The following TMOD3 variants were observed in gnomAD, a reference collection of about 807,000 sequenced individuals.
The protein encoded by TMOD3 is tropomodulin-3.
TMOD3 carries 20 observed loss-of-function variants against 39.2 expected under a neutral mutation model. The ratio of observed to expected loss-of-function variants is 0.51; its 90% CI spans 0.36 to 0.74. The LOEUF (loss-of-function observed/expected upper bound fraction) is 0.74. Ranked by LOEUF, TMOD3 falls within the 30% of genes least tolerant of loss-of-function variation. The pLI is 0.00. For synonymous variants in TMOD3, 143 were observed against 145.8 expected (o/e 0.98, Z 0.14); for missense variants, 381 against 412.8 (o/e 0.92, Z 0.67).
chr15:51,888,001 G>C (rs1300313999), intron 4 of TMOD3, among the ~76,000 whole-genome samples: 1 of 151,964 alleles, frequency 6.6e-6, no homozygotes, highest in African/African-American at 2.4e-5. Flanking sequence ...TCATCACCTG[G>C]TGCTCAGCTA....
At chr15:51,868,759 G>C (rs1206505291) in intron 2 of TMOD3, among the ~76,000 whole-genome samples, 2 of 152,158 alleles carry the variant, frequency 1.3e-5, no homozygotes, top group East Asian at 3.9e-4. Flanking sequence ...ATCATCTGAA[G>C]TCAGGAATTC....
intron 1 of TMOD3, among the ~76,000 whole-genome samples, chr15:51,851,584 C>G (rs953114720): frequency 2.6e-5 from 4 of 152,058 alleles, no homozygotes; most frequent in Non-Finnish European, 5.9e-5. Context: ...CAATGTGGAT[C>G]TCAAAACAGA....
chr15:51,871,063 A>T (rs1164411292), intron 3 of TMOD3, among the ~76,000 whole-genome samples: 1 of 152,186 alleles, frequency 6.6e-6, no homozygotes, highest in Non-Finnish European at 1.5e-5. Flanking sequence ...AAAAACAAAA[A>T]ACCTTCATGA....
intron 3 of TMOD3, among the ~76,000 whole-genome samples, chr15:51,870,031 C>T (rs1484874398): frequency 6.6e-6 from 1 of 152,072 alleles, no homozygotes; most frequent in Non-Finnish European, 1.5e-5. Flanking sequence ...CTCCGCCTCC[C>T]GGGTTTAAGC....
intron 1 of TMOD3, among the ~76,000 whole-genome samples, chr15:51,854,892 T>C (rs931047551): frequency 6.6e-6 from 1 of 152,204 alleles, no homozygotes; most frequent in Admixed American, 6.5e-5. Flanking sequence ...ATGAGATTGC[T>C]GAGATTCCAT....
chr15:51,842,272 G>T (rs2141670113), intron 1 of TMOD3, among the ~76,000 whole-genome samples: 1 of 152,252 alleles, frequency 6.6e-6, no homozygotes, highest in South Asian at 2.1e-4. Context: ...TTACTGGACT[G>T]CATGCTGCTT....
At chr15:51,896,065 G>C (rs568038140) in intron 6 of TMOD3, among the ~76,000 whole-genome samples, 1 of 152,098 alleles carries the variant, frequency 6.6e-6, no homozygotes, top group South Asian at 2.1e-4. Context: ...CTGAGATTGC[G>C]CCGTTGCACT....
At chr15:51,865,089 C>T (rs754173283) in intron 2 of TMOD3, among the ~76,000 whole-genome samples, 1 of 152,082 alleles carries the variant, frequency 6.6e-6, no homozygotes, top group African/African-American at 2.4e-5. Flanking sequence ...TGGGCTCAAG[C>T]GATCCTCCCA....
At chr15:51,863,835 A>G (rs149072619) in intron 2 of TMOD3, among the ~76,000 whole-genome samples, 3 of 152,324 alleles carry the variant, frequency 2.0e-5, no homozygotes, top group African/African-American at 7.2e-5. Context: ...CCTTAACCAT[A>G]ATTACTATTA....
At chr15:51,835,708 T>A (rs1285879948) in intron 1 of TMOD3, among the ~76,000 whole-genome samples, 1 of 152,216 alleles carries the variant, frequency 6.6e-6, no homozygotes, top group Non-Finnish European at 1.5e-5. Flanking sequence ...TTTGGTTATT[T>A]TTTTCTTCTA....
At chr15:51,901,142 T>A (rs965587736) in intron 8 of TMOD3, 1 of 152,268 alleles carries the variant, frequency 6.6e-6, no homozygotes, top group Admixed American at 6.5e-5. Context: ...CCTGGCATAA[T>A]GTTCTGGAGG....
chr15:51,897,428 A>G lies in TMOD3; in HGVS notation c.735+902A>G, dbSNP rs544789431. ...TGCCTGCTTTTCTCTGCTGTTTTCT[A>G]TCTTACTAAATGCAATTTCAATCTT... On this transcript the variant is annotated intron_variant, in intron 7 of 9. Coordinates refer to ENST00000308580, the MANE Select transcript of TMOD3 (RefSeq NM_014547.5). 2.1e-4 allele frequency among the ~76,000 whole-genome samples: 31 copies of G among 150,844 alleles called. No individual in the cohort carries two copies. The East Asian group carries it at 3.3e-3, about 16-fold the overall frequency.
Position 51,900,178 on chromosome 15 carries a change from G to A in TMOD3, c.759G>A (p.Val253=). ...VATAFAEMLK[V]NKTLKSLNVE... is the part of the protein sequence containing the mutation. ...AGGCTTTTGCAGAAATGCTGAAAGT[G>A]AACAAAACTTTGAAGAGCTTAAATG... is the stretch of plus-strand genomic sequence containing the variant. The change falls in exon 8 of 10, where the codon GTG becomes GTA. Residue 253 remains valine (V), a synonymous_variant. Coordinates refer to ENST00000308580, the MANE Select transcript of TMOD3 (RefSeq NM_014547.5). 8 of 1,614,094 alleles carry A rather than the reference G, an allele frequency of 5.0e-6. No homozygotes were observed. The highest frequency in any genetic ancestry group is 6.8e-6 in the Non-Finnish European group (8 of 1,180,014).
At chr15:51,873,137 C>T (rs181875894) in intron 3 of TMOD3, among the ~76,000 whole-genome samples, 2 of 152,308 alleles carry the variant, frequency 1.3e-5, no homozygotes, top group Admixed American at 1.3e-4. Context: ...ACGAATATGC[C>T]TTCCTCTCTC....
At chr15:51,878,449 G>A (rs771040100) in intron 3 of TMOD3, among the ~76,000 whole-genome samples, 7 of 150,384 alleles carry the variant, frequency 4.7e-5, no homozygotes, top group South Asian at 2.1e-4. Flanking sequence ...ATTGTTTCAG[G>A]CATGTGGGTA....
intron 1 of TMOD3, among the ~76,000 whole-genome samples, chr15:51,853,062 T>C (rs573028087): frequency 2.0e-5 from 3 of 152,296 alleles, no homozygotes; most frequent in Non-Finnish European, 4.4e-5. Flanking sequence ...TAAAAAAGAC[T>C]TATACGTAAG....
intron 1 of TMOD3, among the ~76,000 whole-genome samples, chr15:51,853,244 C>T (rs1329725640): frequency 1.3e-5 from 2 of 152,170 alleles, no homozygotes; most frequent in Non-Finnish European, 2.9e-5. Context: ...CTCTGTCACC[C>T]AGGCTGGAGT....
rs761309661 is a variant in TMOD3, at chr15:51,901,888, C to T, written c.880-4C>T. On this transcript the variant is annotated splice_region_variant and splice_polypyrimidine_tract_variant and intron_variant, in intron 8 of 9. Transcript: ENST00000308580. ...ATATTGTTCTTTTTTTCTAATTACT[C>T]CAGAGGCAGCAGTTGGGGACAGCTG... 6.2e-7 allele frequency: 1 copy of T among 1,611,760 alleles called. No homozygotes were observed. Among genetic ancestry groups the T allele is most frequent in the Non-Finnish European group, 8.5e-7 (1 of 1,179,382 alleles).
chr15:51,862,906 G>A lies in TMOD3; in HGVS notation c.22G>A (p.Asp8Asn), dbSNP rs779073683. ...CATCATGGCACTGCCATTCCGTAAG[G>A]ACTTAGAAAAGTACAAAGACCTTGA... MALPFRK[D>N]LEKYKDLDED... Residue 8 changes from aspartate to asparagine, a missense_variant, in exon 2 of 10, where the codon GAC becomes AAC. Coordinates refer to ENST00000308580, the MANE Select transcript of TMOD3 (RefSeq NM_014547.5). 6.2e-7 allele frequency: 1 copy of A among 1,613,834 alleles called. No homozygotes were observed. The highest frequency in any genetic ancestry group is 1.1e-5 in the South Asian group (1 of 90,974).
Sources: gnomAD v4.1 joint callset for allele counts (sites outside exome capture counted in the v4.1 genomes callset) on GRCh38, gnomAD v4.1.1 for gene constraint, MANE v1.5 for transcripts, NCBI Gene and HGNC (gene_info 2026-07-23, HGNC 2026-07-21) for gene names.